Variants in SRBD1 observed in about 807,000 individuals in gnomAD.
SRBD1 encodes the protein S1 RNA binding domain 1, also known as S1 RNA-binding domain-containing protein 1.
A neutral mutation model predicts 115.3 loss-of-function variants in SRBD1; 88 were observed. The ratio of observed to expected loss-of-function variants is 0.76; its 90% CI spans 0.64 to 0.91. The LOEUF is 0.91. Among genes scored for constraint, SRBD1 ranks in the 40% least tolerant of loss-of-function variants. The pLI is 0.00. For missense variants in SRBD1, 1,385 were observed against 1,177.4 expected (o/e 1.18, Z -2.58); for synonymous variants, 509 against 407.7 (o/e 1.25, Z -2.99).
At chr2:45,591,474 T>C (rs999972385) in intron 4 of SRBD1, among the ~76,000 whole-genome samples, 1 of 152,234 alleles carries the variant, frequency 6.6e-6, no homozygotes. Flanking sequence ...TGTGAATTAC[T>C]CTTTCTCTAC....
chr2:45,546,498 G>A (rs535695353), intron 14 of SRBD1: 57 of 398,084 alleles, frequency 1.4e-4, no homozygotes, highest in African/African-American at 9.6e-4. Flanking sequence ...GAGCCCTAAC[G>A]TGCTGCTTCT....
At chr2:45,550,059 T>C (rs954324466) in intron 12 of SRBD1, among the ~76,000 whole-genome samples, 6 of 151,884 alleles carry the variant, frequency 4.0e-5, no homozygotes, top group Admixed American at 6.5e-5. Flanking sequence ...ACATTAGAAA[T>C]AAAGAAGTTC....
At chr2:45,594,153 G>T (rs1227959556) in intron 4 of SRBD1, among the ~76,000 whole-genome samples, 2 of 152,134 alleles carry the variant, frequency 1.3e-5, no homozygotes, top group African/African-American at 4.8e-5. Context: ...TTTATACACA[G>T]AATTGCACTG....
chr2:45,497,158 T>C (rs1670485085), intron 14 of SRBD1, among the ~76,000 whole-genome samples: 2 of 152,206 alleles, frequency 1.3e-5, no homozygotes, highest in South Asian at 2.1e-4. Flanking sequence ...ACTGTCGCTA[T>C]GGCAAATGAA....
At chr2:45,571,062 G>C (rs73927550) in intron 9 of SRBD1, among the ~76,000 whole-genome samples, 13,482 of 152,104 alleles carry the variant, frequency 0.089, 1,127 homozygotes, top group African/African-American at 0.22. Context: ...GGCATGCTGA[G>C]GGCTAGGTGT....
intron 6 of SRBD1, among the ~76,000 whole-genome samples, chr2:45,581,076 C>T (rs1673347225): frequency 6.6e-6 from 1 of 152,110 alleles, no homozygotes; most frequent in South Asian, 2.1e-4. Context: ...CACAAAAATC[C>T]ATGATGATCT....
chr2:45,471,373 T>C (rs1470849118), intron 16 of SRBD1, among the ~76,000 whole-genome samples: 1 of 152,196 alleles, frequency 6.6e-6, no homozygotes, highest in Non-Finnish European at 1.5e-5. Context: ...TCTCACATTA[T>C]TAAATCTTCC....
chr2:45,474,564 T>C (rs971426779), intron 16 of SRBD1, among the ~76,000 whole-genome samples: 5 of 152,214 alleles, frequency 3.3e-5, no homozygotes, highest in African/African-American at 1.2e-4. Flanking sequence ...AGGAGGTCAG[T>C]ACAGGCCTAG....
At chr2:45,554,032 G>C (rs528321943) in intron 10 of SRBD1, among the ~76,000 whole-genome samples, 1 of 152,198 alleles carries the variant, frequency 6.6e-6, no homozygotes, top group South Asian at 2.1e-4. Context: ...ATACAAGAAA[G>C]TCACCAAAAA....
chr2:45,534,413 T>C (rs1280286235), intron 14 of SRBD1, among the ~76,000 whole-genome samples: 3 of 151,856 alleles, frequency 2.0e-5, no homozygotes, highest in Non-Finnish European at 4.4e-5. Flanking sequence ...TGGAGATGAA[T>C]ATCAATAAAG....
At chr2:45,531,163 G>C (rs1278433474) in intron 14 of SRBD1, among the ~76,000 whole-genome samples, 1 of 151,684 alleles carries the variant, frequency 6.6e-6, no homozygotes, top group South Asian at 2.1e-4. Context: ...ACTACCAAAC[G>C]CCTCTGTGTC....
At position 45,407,793 on chromosome 2, in the gene SRBD1, G is replaced by A. The variant is rs145362736; in HGVS notation, c.2513+5321C>T. On this transcript the variant is annotated intron_variant, in intron 19 of 20. Coordinates refer to ENST00000263736, the MANE Select transcript of SRBD1 (RefSeq NM_018079.5). ...ATAACATTATAAGCAGATATAAAAGGTAAACAAGTAGAAAAAAATGCCAGT... is the reference window on the plus strand; with the variant it reads ...ATAACATTATAAGCAGATATAAAAGATAAACAAGTAGAAAAAAATGCCAGT... 4.8e-3 allele frequency among the ~76,000 whole-genome samples: 726 copies of A among 151,892 alleles called. 6 individuals are homozygous for A. The highest frequency in any genetic ancestry group is 0.015 in the South Asian group (71 of 4,820).
intron 14 of SRBD1, among the ~76,000 whole-genome samples, chr2:45,506,856 A>G (rs1030396014): frequency 2.6e-5 from 4 of 152,194 alleles, no homozygotes; most frequent in African/African-American, 9.6e-5. Context: ...CTTATTCACC[A>G]TTTAGTCTGC....
chr2:45,506,893 A>G (rs2103911409), intron 14 of SRBD1, among the ~76,000 whole-genome samples: 1 of 152,256 alleles, frequency 6.6e-6, no homozygotes, highest in Admixed American at 6.5e-5. Flanking sequence ...AAAACAAGTC[A>G]TTTTGATATG....
intron 20 of SRBD1, 72 bp downstream of exon 20, chr2:45,392,873 G>C: frequency 7.4e-7 from 1 of 1,359,394 alleles, no homozygotes; most frequent in Non-Finnish European, 1.0e-6. Context: ...GCATAGGATT[G>C]CTGTGAGGAT....
chr2:45,424,111 T>C (rs908316302), intron 16 of SRBD1, among the ~76,000 whole-genome samples: 8 of 152,116 alleles, frequency 5.3e-5, no homozygotes, highest in Non-Finnish European at 1.2e-4. Flanking sequence ...TGTAATAATA[T>C]TACCTAACAT....
At chr2:45,424,756 TA>T (rs1281493002) in intron 16 of SRBD1, among the ~76,000 whole-genome samples, 2 of 152,134 alleles carry the variant, frequency 1.3e-5, no homozygotes, top group Non-Finnish European at 2.9e-5. Context: ...AATCAAAAGG[TA>T]TGAAAAACAA....
At chr2:45,414,562 TAC>T (rs1036318564) in intron 18 of SRBD1, among the ~76,000 whole-genome samples, 1 of 150,724 alleles carries the variant, frequency 6.6e-6, no homozygotes, top group Non-Finnish European at 1.5e-5. Flanking sequence ...GTAGTGTGTG[TAC>T]ACACATAGTG....
chr2:45,605,270 A>G (rs1305495654), intron 2 of SRBD1, 92 bp downstream of exon 2: 1 of 1,280,424 alleles, frequency 7.8e-7, no homozygotes, highest in Non-Finnish European at 1.1e-6. Flanking sequence ...TTCTACCCAC[A>G]TCACTTAAGG....
Sources: allele counts gnomAD v4.1 joint callset (sites outside exome capture counted in the v4.1 genomes callset), GRCh38; gene constraint gnomAD v4.1.1; transcripts MANE v1.5; gene names NCBI Gene and HGNC (gene_info 2026-07-23, HGNC 2026-07-21).